TSNARE1: variants seen among roughly 807,000 people sequenced by gnomAD.
TSNARE1 encodes the protein t-SNARE domain-containing protein 1.
TSNARE1 carries 49 observed loss-of-function variants against 62.0 expected under a neutral mutation model. The observed-to-expected ratio is 0.79, with a 90% confidence interval of 0.63 to 1.00. The LOEUF is 1.00. Among genes scored for constraint, TSNARE1 ranks in the 50% least tolerant of loss-of-function variants. The pLI is 0.00. For synonymous variants in TSNARE1, 328 were observed against 294.4 expected (o/e 1.11, Z -1.17); for missense variants, 755 against 700.1 (o/e 1.08, Z -0.88).
intron 9 of TSNARE1, among the ~76,000 whole-genome samples, chr8:142,312,574 T>C (rs1350152980): frequency 6.6e-6 from 1 of 152,166 alleles, no homozygotes; most frequent in Non-Finnish European, 1.5e-5. Context: ...GGCCTTAAAA[T>C]CCAACTTTCG....
At chr8:142,335,932 C>G (rs1367010028) in intron 4 of TSNARE1, among the ~76,000 whole-genome samples, 5 of 152,190 alleles carry the variant, frequency 3.3e-5, no homozygotes, top group Admixed American at 3.3e-4. Flanking sequence ...TCCTACTGGA[C>G]AGAGGCACTG....
At chr8:142,311,744 G>A (rs980005921) in intron 9 of TSNARE1, among the ~76,000 whole-genome samples, 1 of 151,860 alleles carries the variant, frequency 6.6e-6, no homozygotes, top group Non-Finnish European at 1.5e-5. Flanking sequence ...GTTCATCTAG[G>A]ACTCTATATT....
At chr8:142,383,213 T>C (rs988158549) in intron 1 of TSNARE1, among the ~76,000 whole-genome samples, 1 of 152,140 alleles carries the variant, frequency 6.6e-6, no homozygotes, top group Admixed American at 6.5e-5. Flanking sequence ...CAGGGGTCAG[T>C]GTGCGTGGAG....
intron 2 of TSNARE1, among the ~76,000 whole-genome samples, chr8:142,346,213 A>G (rs983976363): frequency 2.0e-5 from 3 of 152,226 alleles, no homozygotes; most frequent in African/African-American, 7.2e-5. Flanking sequence ...AGTCAGCAAC[A>G]AAGTACAAAA....
intron 1 of TSNARE1, among the ~76,000 whole-genome samples, chr8:142,398,152 C>T (rs1053790757): frequency 1.3e-5 from 2 of 152,098 alleles, no homozygotes; most frequent in Non-Finnish European, 2.9e-5. Flanking sequence ...CTCAGCTCTC[C>T]AGACACAGCT....
chr8:142,270,356 C>G (rs982047055), intron 12 of TSNARE1: 63 of 985,280 alleles, frequency 6.4e-5, no homozygotes, highest in Non-Finnish European at 7.6e-5. Context: ...CTCACGTGCT[C>G]GTCAGCAGCC....
At chr8:142,277,980 G>A (rs1820777315) in intron 11 of TSNARE1, 1 of 985,256 alleles carries the variant, frequency 1.0e-6, no homozygotes, top group Non-Finnish European at 1.2e-6. Context: ...CTGCCCATAG[G>A]ACCCTTGGCT....
intron 1 of TSNARE1, among the ~76,000 whole-genome samples, chr8:142,382,104 T>C (rs540301192): frequency 6.6e-6 from 1 of 152,256 alleles, no homozygotes; most frequent in South Asian, 2.1e-4. Context: ...CCGTGTGGAA[T>C]GGGGCCCCTG....
At chr8:142,330,151 C>T (rs958289147) in intron 6 of TSNARE1, among the ~76,000 whole-genome samples, 18 of 152,338 alleles carry the variant, frequency 1.2e-4, no homozygotes, top group Middle Eastern at 3.4e-3. Context: ...CACTGCAGGG[C>T]GGGACACAGG....
chr8:142,300,925 C>T (rs1037283770), intron 9 of TSNARE1, among the ~76,000 whole-genome samples: 5 of 152,134 alleles, frequency 3.3e-5, no homozygotes, highest in African/African-American at 4.8e-5. Context: ...TGTAGGGGCC[C>T]GGGAGCACCC....
chr8:142,333,175 A>G (rs1371889669), intron 4 of TSNARE1, among the ~76,000 whole-genome samples: 2 of 152,240 alleles, frequency 1.3e-5, no homozygotes, highest in Non-Finnish European at 2.9e-5. Flanking sequence ...CATCTGTCAC[A>G]ACGCCCAGGA....
At chr8:142,321,711 T>C (rs1035449044) in intron 6 of TSNARE1, among the ~76,000 whole-genome samples, 4 of 152,132 alleles carry the variant, frequency 2.6e-5, no homozygotes, top group African/African-American at 9.6e-5. Context: ...TAAGATGAAA[T>C]AGAAAAATTC....
At chr8:142,294,844 A>G (rs904413745) in intron 10 of TSNARE1, among the ~76,000 whole-genome samples, 2 of 152,190 alleles carry the variant, frequency 1.3e-5, no homozygotes, top group Non-Finnish European at 2.9e-5. Flanking sequence ...TGCTGCTCAG[A>G]CACAATTGAA....
chr8:142,289,356 T>C (rs1208772593), intron 10 of TSNARE1, among the ~76,000 whole-genome samples: 1 of 152,022 alleles, frequency 6.6e-6, no homozygotes, highest in African/African-American at 2.4e-5. Context: ...GCACTCTCTG[T>C]ATAGAAGGGA....
At position 142,343,984 on chromosome 8, in the gene TSNARE1, T is replaced by C. The variant is rs1480444805; in HGVS notation, c.727A>G (p.Ser243Gly). The C allele has an allele frequency of 3.9e-6, 6 of 1,536,164 alleles. No individual in the cohort carries two copies. Among genetic ancestry groups the C allele is most frequent in the Non-Finnish European group, 5.3e-6 (6 of 1,140,306 alleles). ...AACTCACCTCTGGGCGGCTCCAGAC[T>C]GAAGCCCTCGGAGGGCAGGGCCTGG... is the stretch of plus-strand genomic sequence containing the variant. ...SCQALPSEGFSLEPPRATQVD... is the reference protein window; with the variant it reads ...SCQALPSEGFGLEPPRATQVD... Residue 243 changes from serine to glycine, a missense_variant, in exon 4 of 14, where the codon AGT becomes GGT. Coordinates refer to ENST00000524325, the MANE Select transcript of TSNARE1 (RefSeq NM_145003.5).
chr8:142,346,662 G>T (rs563202414), intron 2 of TSNARE1, among the ~76,000 whole-genome samples: 1 of 152,248 alleles, frequency 6.6e-6, no homozygotes, highest in Non-Finnish European at 1.5e-5. Context: ...TTCCCGGGAC[G>T]TGTCCTGGTA....
chr8:142,276,039 C>T (rs1435907159), intron 11 of TSNARE1: 2 of 985,432 alleles, frequency 2.0e-6, no homozygotes, highest in Non-Finnish European at 2.4e-6. Flanking sequence ...GATCCTTGAA[C>T]CCTTGGTCAC....
intron 1 of TSNARE1, among the ~76,000 whole-genome samples, chr8:142,392,109 C>T (rs190509741): frequency 2.0e-5 from 3 of 152,278 alleles, no homozygotes; most frequent in African/African-American, 2.4e-5. Context: ...CTGCAACCTC[C>T]GTCTCCCAGG....
intron 11 of TSNARE1, chr8:142,278,386 T>C: frequency 1.0e-6 from 1 of 985,400 alleles, no homozygotes; most frequent in Non-Finnish European, 1.2e-6. Context: ...TGAGGCTGGG[T>C]CCTTCTGTCC....
Sources: gnomAD v4.1 joint callset for allele counts (sites outside exome capture counted in the v4.1 genomes callset) on GRCh38, gnomAD v4.1.1 for gene constraint, MANE v1.5 for transcripts, NCBI Gene and HGNC (gene_info 2026-07-23, HGNC 2026-07-21) for gene names.